The following NACC2 variants were observed in gnomAD, a reference collection of about 807,000 sequenced individuals.
NACC2 encodes NACC family member 2.
NACC2 carries 8 observed loss-of-function variants against 25.1 expected under a neutral mutation model. That is an observed-to-expected ratio of 0.32 (90% CI 0.19 to 0.57). NACC2 has a LOEUF of 0.57. Ranked by LOEUF, NACC2 falls within the 20% of genes least tolerant of loss-of-function variation. The pLI is 0.89. For synonymous variants in NACC2, 435 were observed against 294.7 expected, an observed-to-expected ratio of 1.48 and a Z score of -4.88; for missense variants, 644 against 650.2, an observed-to-expected ratio of 0.99 and a Z score of 0.10.
intron 1 of NACC2, among the ~76,000 whole-genome samples, chr9:136,051,596 G>A (rs927480059): frequency 6.7e-6 from 1 of 148,382 alleles, no homozygotes; most frequent in African/African-American, 2.4e-5. Flanking sequence ...AGGAAAGTGC[G>A]GGCGGCCGCA....
At chr9:136,066,616 C>T (rs1419186279) in intron 1 of NACC2, among the ~76,000 whole-genome samples, 1 of 152,186 alleles carries the variant, frequency 6.6e-6, no homozygotes, top group Non-Finnish European at 1.5e-5. Flanking sequence ...CTACATGACC[C>T]AGCAATTCCA....
chr9:136,066,871 A>G (rs1020520247), intron 1 of NACC2, among the ~76,000 whole-genome samples: 2 of 152,186 alleles, frequency 1.3e-5, no homozygotes, highest in African/African-American at 4.8e-5. Flanking sequence ...TGTGAAAAAA[A>G]ATGCTGGTCA....
At chr9:136,041,291 G>A (rs1218102690) in intron 2 of NACC2, among the ~76,000 whole-genome samples, 1 of 151,992 alleles carries the variant, frequency 6.6e-6, no homozygotes, top group Non-Finnish European at 1.5e-5. Flanking sequence ...CCATGGTGGC[G>A]GGTTCCTGTA....
intron 2 of NACC2, among the ~76,000 whole-genome samples, chr9:136,043,965 C>CA (rs1794233861): frequency 6.6e-6 from 1 of 152,150 alleles, no homozygotes; most frequent in Non-Finnish European, 1.5e-5. Flanking sequence ...GCTGGGACTA[C>CA]AAGCGTGCAT....
At chr9:136,029,945 C>A (rs536848047) in intron 2 of NACC2, among the ~76,000 whole-genome samples, 25 of 152,248 alleles carry the variant, frequency 1.6e-4, no homozygotes, top group Non-Finnish European at 2.9e-4. Flanking sequence ...CCAGCAGGCA[C>A]GAGCAAAACT....
chr9:136,016,914 T>C (rs1281185118), intron 2 of NACC2, among the ~76,000 whole-genome samples: 1 of 150,930 alleles, frequency 6.6e-6, no homozygotes, highest in Non-Finnish European at 1.5e-5. Context: ...GGAGGAGAGG[T>C]GGGTAGCTGG....
intron 1 of NACC2, among the ~76,000 whole-genome samples, chr9:136,078,961 T>C (rs758505184): frequency 1.3e-5 from 2 of 152,168 alleles, no homozygotes; most frequent in African/African-American, 4.8e-5. Context: ...GTCGCCGGCA[T>C]GATGCCGCGC....
chr9:136,075,364 C>A (rs1009943497), intron 1 of NACC2, among the ~76,000 whole-genome samples: 2 of 152,224 alleles, frequency 1.3e-5, no homozygotes, highest in African/African-American at 2.4e-5. Flanking sequence ...CTGGCTGCTG[C>A]GAACTGACTG....
Position 136,050,375 on chromosome 9 carries a change from G to A in NACC2, c.147C>T (p.Ala49=), listed in dbSNP as rs924483970. The A allele has an allele frequency of 5.7e-5, 43 of 751,870 alleles. 2 individuals carry two copies. Among genetic ancestry groups the A allele is most frequent in the South Asian group, 3.9e-4 (28 of 72,460 alleles). The allele number at this position is 751,870 out of a possible 1,614,324, so 46.6% of individuals were successfully genotyped here. A position where few individuals can be genotyped will look rare whatever the true frequency, so the allele number is the denominator to read the frequency against. The stretch of plus-strand genomic sequence containing the variant: ...GGTCGCGGAAGTAGAGGCTGCTGGC[G>A]GCCAGCACCGCCCGGTGGGCCTTGA... ...QAFKAHRAVL[A]ASSLYFRDLF... Residue 49 remains alanine (A), a synonymous_variant, in exon 2 of 6, where the codon GCC becomes GCT. Coordinates refer to ENST00000277554, the MANE Select transcript of NACC2 (RefSeq NM_144653.5).
intron 2 of NACC2, among the ~76,000 whole-genome samples, chr9:136,041,284 T>C (rs2131154713): frequency 6.6e-6 from 1 of 152,012 alleles, no homozygotes; most frequent in East Asian, 1.9e-4. Context: ...TCAGCTGCCA[T>C]GGTGGCGGGT....
At chr9:136,038,925 G>A (rs968188964) in intron 2 of NACC2, among the ~76,000 whole-genome samples, 79 of 152,272 alleles carry the variant, frequency 5.2e-4, no homozygotes, top group South Asian at 1.7e-3. Flanking sequence ...AAACATGCAG[G>A]GAAGGAGAAA....
intron 2 of NACC2, 86 bp downstream of exon 2, chr9:136,049,550 G>A (rs957187198): frequency 3.9e-5 from 26 of 666,136 alleles, no homozygotes; most frequent in African/African-American, 2.0e-4. Context: ...GCAGGCCTCC[G>A]GCCCAGTGGC....
At chr9:136,045,748 A>ATAACC (rs1366797839) in intron 2 of NACC2, among the ~76,000 whole-genome samples, 2 of 152,048 alleles carry the variant, frequency 1.3e-5, no homozygotes, top group Admixed American at 1.3e-4. Flanking sequence ...ACTCAATGAA[A>ATAACC]TAACCGTCAG....
Position 136,016,404 on chromosome 9 carries a change from C to T in NACC2, c.912G>A (p.Pro304=), listed in dbSNP as rs2275107. ...YAVQEKPEPV[P]LESRSCVLIR... ...TGAGGACGCAGGAGCGGCTCTCCAG[C>T]GGCACTGGCTCAGGCTTCTCTTGCA... is the stretch of plus-strand genomic sequence containing the variant. The change falls in exon 3 of 6, where the codon CCG becomes CCA. Residue 304 remains proline, a synonymous_variant. Coordinates refer to ENST00000277554, the MANE Select transcript of NACC2 (RefSeq NM_144653.5). The T allele has an allele frequency of 0.12, 195,018 of 1,610,912 alleles. 14,527 individuals carry two copies. Among genetic ancestry groups the T allele is most frequent in the African/African-American group, 0.31 (22,945 of 74,876 alleles).
chr9:136,094,793 G>A (rs777487033), intron 1 of NACC2, among the ~76,000 whole-genome samples: 3 of 151,952 alleles, frequency 2.0e-5, no homozygotes, highest in South Asian at 2.1e-4. Flanking sequence ...CCACCCGGAG[G>A]GCTGGATCGG....
At chr9:136,027,931 A>C (rs530954217) in intron 2 of NACC2, among the ~76,000 whole-genome samples, 1 of 152,302 alleles carries the variant, frequency 6.6e-6, no homozygotes, top group African/African-American at 2.4e-5. Flanking sequence ...GAAACTCTCT[A>C]GCAAGTCTGA....
intron 5 of NACC2, among the ~76,000 whole-genome samples, chr9:136,012,748 G>A (rs1283911223): frequency 6.6e-6 from 1 of 151,578 alleles, no homozygotes; most frequent in Non-Finnish European, 1.5e-5. Flanking sequence ...TGGCCACCTG[G>A]TGCGAGCCGG....
rs1262170010 is a variant in NACC2 at position 136,013,188 on chromosome 9, C to T, written c.1255+11G>A. 3.1e-6 allele frequency: 5 copies of T among 1,604,136 alleles called. No individual in the cohort carries two copies. In the Admixed American group the frequency reaches 5.0e-5, roughly 16 times the overall value. ...CGGCCCCACCCACCCGAGAGACCCCCAGGCTCTTACATTTCACAGCGTTCA... is the reference window on the plus strand; with the variant it reads ...CGGCCCCACCCACCCGAGAGACCCCTAGGCTCTTACATTTCACAGCGTTCA... On this transcript the variant is annotated intron_variant, in intron 5 of 5. Transcript: ENST00000277554. The surrounding 1 kb of genome is among the most constrained non-coding windows in gnomAD (Gnocchi z 6.6).
intron 2 of NACC2, among the ~76,000 whole-genome samples, chr9:136,024,601 G>C (rs1169648192): frequency 4.6e-5 from 7 of 152,096 alleles, no homozygotes; most frequent in Non-Finnish European, 4.4e-5. Flanking sequence ...GTGCATGTGA[G>C]GACCAGCAGG....
Sources: allele counts gnomAD v4.1 joint callset (sites outside exome capture counted in the v4.1 genomes callset), GRCh38; gene constraint gnomAD v4.1.1; non-coding constraint Gnocchi (gnomAD v3.1); transcripts MANE v1.5; gene names NCBI Gene and HGNC (gene_info 2026-07-23, HGNC 2026-07-21).